Variants in DPYD observed in about 807,000 individuals in gnomAD.
DPYD encodes the protein dihydropyrimidine dehydrogenase [NADP(+)].
A neutral mutation model predicts 116.2 loss-of-function variants in DPYD; 109 were observed. The observed-to-expected ratio is 0.94, with a 90% confidence interval of 0.80 to 1.10. DPYD has a LOEUF of 1.10. Ranked by LOEUF, DPYD falls within the 50% of genes least tolerant of loss-of-function variation. The probability of loss-of-function intolerance (pLI) is 0.00; values close to 1 mark genes in which losing one functional copy is unlikely to be tolerated. For synonymous variants in DPYD, 440 were observed against 432.0 expected, an observed-to-expected ratio of 1.02 and a Z score of -0.23; for missense variants, 1,302 against 1,254.5, an observed-to-expected ratio of 1.04 and a Z score of -0.57.
At chr1:97,120,168 T>C (rs1652314112) in intron 20 of DPYD, among the ~76,000 whole-genome samples, 1 of 152,226 alleles carries the variant, frequency 6.6e-6, no homozygotes, top group Non-Finnish European at 1.5e-5. Flanking sequence ...ATGCCCTTTC[T>C]TCATATAAGT....
intron 4 of DPYD, among the ~76,000 whole-genome samples, chr1:97,738,715 C>A (rs2101066220): frequency 6.7e-6 from 1 of 149,594 alleles, no homozygotes. Context: ...TGAGGTTTGA[C>A]AACATATTAT....
At chr1:97,235,206 C>T (rs1028604931) in intron 18 of DPYD, among the ~76,000 whole-genome samples, 7 of 152,178 alleles carry the variant, frequency 4.6e-5, no homozygotes, top group African/African-American at 1.7e-4. Context: ...ATTTTAAGGA[C>T]TTTGATACCA....
intron 11 of DPYD, among the ~76,000 whole-genome samples, chr1:97,550,622 T>C (rs1458372760): frequency 6.6e-6 from 1 of 152,102 alleles, no homozygotes; most frequent in East Asian, 1.9e-4. Flanking sequence ...TAAGCCAGTG[T>C]TTAGGATAAA....
intron 11 of DPYD, among the ~76,000 whole-genome samples, chr1:97,562,690 T>C (rs1172672439): frequency 6.6e-6 from 1 of 152,158 alleles, no homozygotes; most frequent in Non-Finnish European, 1.5e-5. Flanking sequence ...AATGTAATTT[T>C]CTAATTTATA....
At chr1:97,154,132 A>G (rs1192649563) in intron 20 of DPYD, among the ~76,000 whole-genome samples, 1 of 152,184 alleles carries the variant, frequency 6.6e-6, no homozygotes, top group African/African-American at 2.4e-5. Context: ...TGATCCAGCA[A>G]TCCCACTAAT....
At chr1:97,878,914 C>A (rs371690217) in intron 2 of DPYD, among the ~76,000 whole-genome samples, 3 of 151,798 alleles carry the variant, frequency 2.0e-5, no homozygotes, top group Non-Finnish European at 2.9e-5. Flanking sequence ...GTGAAACAAA[C>A]GAGTGACTGA....
intron 6 of DPYD, among the ~76,000 whole-genome samples, chr1:97,695,999 G>T (rs1204789567): frequency 6.6e-6 from 1 of 151,802 alleles, no homozygotes; most frequent in African/African-American, 2.4e-5. Context: ...GCATGGTGGT[G>T]CATGCCTGTA....
intron 13 of DPYD, among the ~76,000 whole-genome samples, chr1:97,512,255 AT>A (rs1647856074): frequency 6.6e-6 from 1 of 151,888 alleles, no homozygotes; most frequent in South Asian, 2.1e-4. Flanking sequence ...AGGCTTAAAT[AT>A]TTTCAGTCTT....
In DPYD at chr1:97,336,494, G is replaced by T. The variant is rs117651668; in HGVS notation, c.2059-30197C>A. Among the ~76,000 whole-genome samples, 269 of 152,218 alleles carry T rather than the reference G, an allele frequency of 1.8e-3. 5 individuals carry two copies. The East Asian group carries it at 0.025, about 14-fold the overall frequency. On this transcript the variant is annotated intron_variant, in intron 16 of 22. Coordinates refer to ENST00000370192, the MANE Select transcript of DPYD (RefSeq NM_000110.4). ...CTGGGTGTGATGGCTCATGCCTGTG[G>T]TTCCAGCACTTTGGGAGGCCGAGGT...
chr1:97,581,282 G>A (rs1460990003), intron 10 of DPYD, among the ~76,000 whole-genome samples: 2 of 122,472 alleles, frequency 1.6e-5, no homozygotes, highest in Non-Finnish European at 3.2e-5. Context: ...AGCTGAGATC[G>A]CACCACTGCA....
At chr1:97,802,432 T>C (rs1458146124) in intron 3 of DPYD, among the ~76,000 whole-genome samples, 1 of 151,860 alleles carries the variant, frequency 6.6e-6, no homozygotes, top group African/African-American at 2.4e-5. Context: ...CAGCACATTC[T>C]CACACTGTTT....
At chr1:97,596,513 A>G (rs548237318) in intron 8 of DPYD, among the ~76,000 whole-genome samples, 1 of 152,318 alleles carries the variant, frequency 6.6e-6, no homozygotes, top group African/African-American at 2.4e-5. Flanking sequence ...GAAATAATTC[A>G]TCTCAATTCC....
chr1:97,535,242 C>G (rs910125439), intron 12 of DPYD, among the ~76,000 whole-genome samples: 4 of 152,134 alleles, frequency 2.6e-5, no homozygotes, highest in Admixed American at 2.6e-4. Flanking sequence ...CAGAAGAACA[C>G]AATTCTGGTC....
chr1:97,761,339 G>A (rs1185202068), intron 3 of DPYD, among the ~76,000 whole-genome samples: 1 of 151,862 alleles, frequency 6.6e-6, no homozygotes, highest in East Asian at 1.9e-4. Flanking sequence ...TAAAATTACT[G>A]TTTAAAATTC....
rs181228732 is a variant in DPYD, at chr1:97,527,893, T to C, written c.1525-11952A>G. On this transcript the variant is annotated intron_variant, in intron 12 of 22. Transcript: ENST00000370192. ...ATTGAAGAAGAAATCACCATCACTA[T>C]GTTCCATGCAATTCAAAATAATCAA... Among the ~76,000 whole-genome samples the C allele has an allele frequency of 7.1e-4, 108 of 152,104 alleles. 1 individual carries two copies. Among genetic ancestry groups the C allele is most frequent in the Non-Finnish European group, 1.3e-4 (9 of 67,970 alleles).
At chr1:97,670,651 A>C (rs1233425657) in intron 8 of DPYD, among the ~76,000 whole-genome samples, 3 of 152,172 alleles carry the variant, frequency 2.0e-5, no homozygotes, top group African/African-American at 7.2e-5. Flanking sequence ...CAGCCCAGCA[A>C]GACTAAGATA....
In DPYD at chr1:97,525,758, T is replaced by TAGAGAGAGAGAGAGAGAG. The variant is rs58098297; in HGVS notation, c.1525-9835_1525-9818dup. Among the ~76,000 whole-genome samples the TAGAGAGAGAGAGAGAGAG allele has an allele frequency of 8.6e-3, 937 of 108,520 alleles. 10 individuals are homozygous for TAGAGAGAGAGAGAGAGAG. Among genetic ancestry groups the TAGAGAGAGAGAGAGAGAG allele is most frequent in the East Asian group, 0.012 (42 of 3,412 alleles). The allele number at this position is 108,520 out of a possible 152,430, so 71.2% of individuals were successfully genotyped here. A position where few individuals can be genotyped will look rare whatever the true frequency, so the allele number is the denominator to read the frequency against. ...AGAGTAAGTAATTGCCCTGGGTAAT[T>TAGAGAGAGAGAGAGAGAG]AGAGAGAGAGAGAGAGAGAGAGAGA... On this transcript the variant is annotated intron_variant, in intron 12 of 22. Coordinates refer to ENST00000370192, the MANE Select transcript of DPYD (RefSeq NM_000110.4).
At chr1:97,887,156 C>T (rs1672538180) in intron 1 of DPYD, among the ~76,000 whole-genome samples, 2 of 151,886 alleles carry the variant, frequency 1.3e-5, no homozygotes, top group African/African-American at 4.8e-5. Context: ...CAGCGGTTCA[C>T]ACAGAGGAAA....
Position 97,305,357 on chromosome 1 carries a change from G to A in DPYD, c.2201C>T (p.Ala734Val), listed in dbSNP as rs2101036596. The A allele has an allele frequency of 6.2e-7, 1 of 1,612,324 alleles. No individual in the cohort carries two copies. The highest frequency in any genetic ancestry group is 8.5e-7 in the Non-Finnish European group (1 of 1,178,866). The change falls in exon 18 of 23, where the codon GCC becomes GTC. Residue 734 changes from alanine to valine, a missense_variant. Coordinates refer to ENST00000370192, the MANE Select transcript of DPYD (RefSeq NM_000110.4). ...CATCAGACCTGAGACAGTGTTGGTG[G>A]CTGTAACGCCATTGGCACCACCTAT... ...AKEGGANGVT[A>V]TNTVSGLMGL...
Sources: gnomAD v4.1 joint callset for allele counts (sites outside exome capture counted in the v4.1 genomes callset) on GRCh38, gnomAD v4.1.1 for gene constraint, MANE v1.5 for transcripts, NCBI Gene and HGNC (gene_info 2026-07-23, HGNC 2026-07-21) for gene names.